Variants in ACOX1 observed in about 807,000 individuals in gnomAD.
The protein encoded by ACOX1 is acyl-CoA oxidase 1, also known as peroxisomal acyl-coenzyme A oxidase 1.
Under a neutral mutation model 75.5 loss-of-function variants are expected in ACOX1, and 41 were observed. The ratio of observed to expected loss-of-function variants is 0.54; its 90% CI spans 0.42 to 0.70. The LOEUF (loss-of-function observed/expected upper bound fraction) is 0.70. Among genes scored for constraint, ACOX1 ranks in the 30% least tolerant of loss-of-function variants. ACOX1 has a pLI of 0.00. For synonymous variants in ACOX1, 303 were observed against 298.8 expected (o/e 1.01, Z -0.15); for missense variants, 630 against 837.5 (o/e 0.75, Z 3.06).
Position 75,950,957 on chromosome 17 carries a change from G to A in ACOX1, c.1115C>T (p.Ala372Val), listed in dbSNP as rs1408137162. Residue 372 changes from alanine (A) to valine (V), a missense_variant, in exon 9 of 14, where the codon GCC becomes GTC. By Grantham distance (64) the Ala-to-Val change is moderately conservative (BLOSUM62 0). Coordinates refer to ENST00000293217, the MANE Select transcript of ACOX1 (RefSeq NM_004035.7). The surrounding 1 kb of genome is among the most constrained non-coding windows in gnomAD (Gnocchi z 4.3). ...GDLSELPELH[A>V]LTAGLKAFTS... ...GAAAGCCTTCAGTCCAGCGGTGAGG[G>A]CATGAAGCTGAGAGGACAAGCACAG... The A allele has an allele frequency of 1.2e-6, 2 of 1,613,900 alleles. No individual in the cohort carries two copies. Among genetic ancestry groups the A allele is most frequent in the South Asian group, 2.2e-5 (2 of 91,036 alleles).
intron 12 of ACOX1, among the ~76,000 whole-genome samples, 156 bp downstream of exon 12, chr17:75,949,061 G>C (rs1452248248): frequency 6.6e-6 from 1 of 151,348 alleles, no homozygotes; most frequent in Admixed American, 6.6e-5. Context: ...GGTTTCACCA[G>C]GCCAGGCTGG....
chr17:75,950,965 C>A lies in ACOX1; in HGVS notation c.1108-1G>T. 6.2e-7 allele frequency: 1 copy of A among 1,613,842 alleles called. No individual in the cohort carries two copies. On this transcript the variant is annotated splice_acceptor_variant, in intron 8 of 13. Coordinates refer to ENST00000293217, the MANE Select transcript of ACOX1 (RefSeq NM_004035.7). LOFTEE classifies it high-confidence loss of function. This position sits in a 1 kb window ranked among gnomAD's most constrained non-coding sequence, Gnocchi z 4.3. ...TCAGTCCAGCGGTGAGGGCATGAAG[C>A]TGAGAGGACAAGCACAGATCTGTCA...
chr17:75,966,023 G>C (rs1013137613), intron 2 of ACOX1, among the ~76,000 whole-genome samples: 1 of 151,684 alleles, frequency 6.6e-6, no homozygotes, highest in Non-Finnish European at 1.5e-5. Flanking sequence ...CCAGCTACTC[G>C]GGAGGCTAAG....
Position 75,944,290 on chromosome 17 carries a change from AT to A in ACOX1, c.*2457del, listed in dbSNP as rs1258262018. 5.3e-5 allele frequency: 8 copies of A among 152,212 alleles called. No homozygotes were observed. Among genetic ancestry groups the A allele is most frequent in the African/African-American group, 9.6e-5 (4 of 41,458 alleles). 9.4% of individuals were successfully genotyped at this position (152,212 alleles called of 1,614,324 possible). On this transcript the variant is annotated 3_prime_UTR_variant, in exon 14 of 14. Transcript: ENST00000293217. ...TTTGGAGAAGACAAGGTTAAAATGT[AT>A]CTTTGTACTTGTGAAAATGGCTTAC... is the stretch of plus-strand genomic sequence containing the variant.
chr17:75,977,158 C>T (rs919389062), intron 2 of ACOX1, among the ~76,000 whole-genome samples: 102 of 151,094 alleles, frequency 6.8e-4, no homozygotes, highest in African/African-American at 2.4e-3. Flanking sequence ...CCACCAGGCC[C>T]GGCTAATTTT....
chr17:75,955,515 C>T (rs749699613), intron 6 of ACOX1, 51 bp downstream of exon 6: 1 of 1,430,888 alleles, frequency 7.0e-7, no homozygotes, highest in East Asian at 2.3e-5. Context: ...GAGTAACAGC[C>T]ACTCAACTCC....
At position 75,943,078 on chromosome 17, in the gene ACOX1, T is replaced by G. The variant is rs1266913182; in HGVS notation, c.*3670A>C. 6.6e-6 allele frequency: 1 copy of G among 151,732 alleles called. No homozygotes were observed. The highest frequency in any genetic ancestry group is 1.5e-5 in the Non-Finnish European group (1 of 67,966). The allele number at this position is 151,732 out of a possible 1,614,324, so 9.4% of individuals were successfully genotyped here. On this transcript the variant is annotated 3_prime_UTR_variant, in exon 14 of 14. Coordinates refer to ENST00000293217, the MANE Select transcript of ACOX1 (RefSeq NM_004035.7). ...CCATCTCTGCTCAAAATACAAAAAT[T>G]AGCCGAGCGTGATGGCAGGTGCCTG...
At position 75,944,965 on chromosome 17, in the gene ACOX1, C is replaced by CA. The variant is rs886053445; in HGVS notation, c.*1782dup. ...TTCACCATGTTGGCCAGGATGGTCT[C>CA]AAACTCCTGACCTCAGGTGATCCAC... On this transcript the variant is annotated 3_prime_UTR_variant, in exon 14 of 14. Coordinates refer to ENST00000293217, the MANE Select transcript of ACOX1 (RefSeq NM_004035.7). 1.3e-5 allele frequency: 2 copies of CA among 152,280 alleles called. No individual in the cohort carries two copies. The highest frequency in any genetic ancestry group is 3.9e-4 in the East Asian group (2 of 5,172). 9.4% of individuals were successfully genotyped at this position (152,280 alleles called of 1,614,324 possible).
intron 13 of ACOX1, among the ~76,000 whole-genome samples, chr17:75,947,595 A>C (rs2065733327): frequency 6.6e-6 from 1 of 152,256 alleles, no homozygotes; most frequent in South Asian, 2.1e-4. Flanking sequence ...CAGATGAAAC[A>C]CAACTAGCCA....
intron 3 of ACOX1, among the ~76,000 whole-genome samples, chr17:75,957,860 TCA>T (rs2065847731): frequency 6.6e-6 from 1 of 152,214 alleles, no homozygotes. Flanking sequence ...CAACTTAGAA[TCA>T]CATTTTTAAG....
At position 75,960,110 on chromosome 17, in the gene ACOX1, A is replaced by G. The variant is rs2065873815; in HGVS notation, c.430+105T>C. 2.1e-6 allele frequency: 3 copies of G among 1,434,046 alleles called. No homozygotes were observed. The South Asian group carries it at 3.5e-5, about 17-fold the overall frequency. The allele number at this position is 1,434,046 out of a possible 1,614,324, so 88.8% of individuals were successfully genotyped here. A position where few individuals can be genotyped will look rare whatever the true frequency, so the allele number is the denominator to read the frequency against. On this transcript the variant is annotated intron_variant, in intron 3 of 13. Coordinates refer to ENST00000293217, the MANE Select transcript of ACOX1 (RefSeq NM_004035.7). This position sits in a 1 kb window ranked among gnomAD's most constrained non-coding sequence, Gnocchi z 4.4. ...CTGCAGAAAGAGCTCATTTAAACAG[A>G]CCATAGAACATCGACACACCATCGA...
Position 75,978,966 on chromosome 17 carries a change from G to C in ACOX1, c.108C>G (p.Ile36Met), listed in dbSNP as rs1598206889. 1 of 1,609,828 alleles carries C rather than the reference G, an allele frequency of 6.2e-7. No individual in the cohort carries two copies. Among genetic ancestry groups the C allele is most frequent in the African/African-American group, 1.3e-5 (1 of 74,926 alleles). Residue 36 changes from isoleucine to methionine, a missense_variant and splice_region_variant, in exon 1 of 14, where the codon ATC becomes ATG. This residue lies in a region of ACOX1 where 390 missense variants were observed against 574.9 expected (regional missense o/e 0.68). Transcript: ENST00000293217. The surrounding 1 kb of genome is among the most constrained non-coding windows in gnomAD (Gnocchi z 4.2). ...SPEKTRRRRE[I>M]ENMILNDPDF... ...GGAGGTCTCGCCCGCCGCCCTCACC[G>C]ATCTCTCGGCGGCGCCGGGTTTTCT...
intron 2 of ACOX1, among the ~76,000 whole-genome samples, chr17:75,970,899 A>G (rs2065987612): frequency 6.6e-6 from 1 of 152,256 alleles, no homozygotes; most frequent in African/African-American, 2.4e-5. Flanking sequence ...AAGAACAGCA[A>G]TATGAATTAG....
rs144850830 is a variant in ACOX1 at position 75,954,861 on chromosome 17, C to T, written c.774+705G>A. Among the ~76,000 whole-genome samples the T allele has an allele frequency of 4.0e-3, 607 of 151,234 alleles. 6 individuals are homozygous for T. Among genetic ancestry groups the T allele is most frequent in the African/African-American group, 0.014 (561 of 41,256 alleles). ...CTGGGACTACAGGCATGAGCCACCGCGCCCAGCCTTATTCCCTCCTTTTAT... is the reference window on the plus strand; with the variant it reads ...CTGGGACTACAGGCATGAGCCACCGTGCCCAGCCTTATTCCCTCCTTTTAT... On this transcript the variant is annotated intron_variant, in intron 6 of 13. Transcript: ENST00000293217.
rs2065764169 is a variant in ACOX1 at position 75,950,431 on chromosome 17, T to C, written c.1298+343A>G. The stretch of plus-strand genomic sequence containing the variant: ...CCCGGCTAATTTTTTTGTATTTTTT[T>C]AGTAGAGACACGGTTTCACCATGTT... On this transcript the variant is annotated intron_variant, in intron 9 of 13. Transcript: ENST00000293217. The surrounding 1 kb of genome is among the most constrained non-coding windows in gnomAD (Gnocchi z 4.3). 6.6e-6 allele frequency among the ~76,000 whole-genome samples: 1 copy of C among 152,074 alleles called. No homozygotes were observed. The highest frequency in any genetic ancestry group is 2.4e-5 in the African/African-American group (1 of 41,402).
intron 2 of ACOX1, among the ~76,000 whole-genome samples, chr17:75,967,196 C>T (rs1396360100): frequency 2.0e-5 from 3 of 151,928 alleles, no homozygotes; most frequent in Admixed American, 6.6e-5. Flanking sequence ...AGAGGCCGGG[C>T]GTGGTGGCTC....
At chr17:75,963,491 GGAGATCGAGACCAT>G in intron 2 of ACOX1, among the ~76,000 whole-genome samples, 1 of 151,900 alleles carries the variant, frequency 6.6e-6, no homozygotes, top group Non-Finnish European at 1.5e-5. Flanking sequence ...CATGAGATCA[GGAGATCGAGACCAT>G]CCTGGCCAAC....
Position 75,964,578 on chromosome 17 carries a change from C to T in ACOX1, c.270-4203G>A, listed in dbSNP as rs534464316. Among the ~76,000 whole-genome samples the T allele has an allele frequency of 4.6e-5, 7 of 152,124 alleles. No homozygotes were observed. The South Asian group carries it at 1.0e-3, about 23-fold the overall frequency. ...ACTATAATCACAAATGGTTCTGACA[C>T]TAAAGAATGTTTTCAGGAAAAAAAT... On this transcript the variant is annotated intron_variant, in intron 2 of 13. Transcript: ENST00000293217.
chr17:75,947,324 C>T (rs530704418), intron 13 of ACOX1, among the ~76,000 whole-genome samples: 2 of 150,636 alleles, frequency 1.3e-5, no homozygotes, highest in African/African-American at 2.4e-5. Flanking sequence ...CTCGGCTCAC[C>T]GCAACCTCCG....
Sources: allele counts gnomAD v4.1 joint callset (sites outside exome capture counted in the v4.1 genomes callset), GRCh38; gene constraint gnomAD v4.1.1; regional missense constraint gnomAD v4.1.1; non-coding constraint Gnocchi (gnomAD v3.1); transcripts MANE v1.5; gene names NCBI Gene and HGNC (gene_info 2026-07-23, HGNC 2026-07-21).